Variants in GHR observed in about 807,000 individuals in gnomAD.
GHR encodes the protein GH receptor.
Under a neutral mutation model 67.1 loss-of-function variants are expected in GHR, and 35 were observed. The observed-to-expected ratio is 0.52, with a 90% CI of 0.40 to 0.69. The LOEUF is 0.69. GHR is among the 30% of genes least tolerant of loss of function. The probability of loss-of-function intolerance (pLI) is 0.00; values close to 1 mark genes in which losing one functional copy is unlikely to be tolerated. For synonymous variants in GHR, 272 were observed against 269.1 expected, an observed-to-expected ratio of 1.01 and a Z score of -0.10; for missense variants, 792 against 764.6, an observed-to-expected ratio of 1.04 and a Z score of -0.42.
chr5:42,604,636 T>G (rs965404245), intron 2 of GHR, among the ~76,000 whole-genome samples: 4 of 152,060 alleles, frequency 2.6e-5, no homozygotes, highest in African/African-American at 9.7e-5. Context: ...CACCCCAGCA[T>G]TATAATAAAA....
intron 2 of GHR, among the ~76,000 whole-genome samples, chr5:42,617,401 C>G (rs1753214139): frequency 6.6e-6 from 1 of 151,702 alleles, no homozygotes; most frequent in African/African-American, 2.4e-5. Context: ...CACACACACA[C>G]ACACACACAC....
chr5:42,645,240 G>A (rs751287824), intron 3 of GHR, among the ~76,000 whole-genome samples: 9 of 152,172 alleles, frequency 5.9e-5, no homozygotes, highest in Non-Finnish European at 1.2e-4. Context: ...ATCAATCAAC[G>A]TGGGCTGAAG....
intron 3 of GHR, among the ~76,000 whole-genome samples, chr5:42,641,567 C>T (rs975277901): frequency 3.9e-5 from 6 of 152,050 alleles, no homozygotes; most frequent in Admixed American, 2.6e-4. Context: ...TCTGTGGTGC[C>T]TAAGGGAGGG....
In GHR at chr5:42,446,852, A is replaced by G. The variant is rs148046738; in HGVS notation, c.-12+22897A>G. Among the ~76,000 whole-genome samples, 1,076 of 152,316 alleles carry G rather than the reference A, an allele frequency of 7.1e-3. 5 individuals carry two copies. The highest frequency in any genetic ancestry group is 0.02 in the Middle Eastern group (6 of 294). On this transcript the variant is annotated intron_variant, in intron 1 of 9. Coordinates refer to ENST00000230882, the MANE Select transcript of GHR (RefSeq NM_000163.5). Reference sequence around the variant, plus strand: ...AAGAGAATACTTAAAGTGCAGACAGACAAGTGAACACCGCACTTCTTTGTC... The same window carrying G: ...AAGAGAATACTTAAAGTGCAGACAGGCAAGTGAACACCGCACTTCTTTGTC...
At chr5:42,698,519 A>AT (rs1300748731) in intron 5 of GHR, among the ~76,000 whole-genome samples, 2 of 152,160 alleles carry the variant, frequency 1.3e-5, no homozygotes, top group African/African-American at 4.8e-5. Flanking sequence ...AATTTTCAAA[A>AT]TGTAGTCATG....
At chr5:42,672,921 T>C (rs759080950) in intron 3 of GHR, among the ~76,000 whole-genome samples, 3 of 152,062 alleles carry the variant, frequency 2.0e-5, no homozygotes, top group Non-Finnish European at 4.4e-5. Context: ...AACTGACAAG[T>C]TTTTCTGTGT....
chr5:42,719,925 G>C lies in GHR; in HGVS notation c.*501G>C, dbSNP rs1402443322. 1 of 184,636 alleles carries C rather than the reference G, an allele frequency of 5.4e-6. No individual in the cohort carries two copies. The highest frequency in any genetic ancestry group is 1.5e-4 in the East Asian group (1 of 6,618). 11.4% of individuals were successfully genotyped at this position (184,636 alleles called of 1,614,324 possible). A position where few individuals can be genotyped will look rare whatever the true frequency, so the allele number is the denominator to read the frequency against. On this transcript the variant is annotated 3_prime_UTR_variant, in exon 10 of 10. Coordinates refer to ENST00000230882, the MANE Select transcript of GHR (RefSeq NM_000163.5). Reference sequence around the variant, plus strand: ...ATAAGCAAGAAGGCAAAAATAGTTTGGATATGTAAAACATTTATTTTGACA... The same window carrying C: ...ATAAGCAAGAAGGCAAAAATAGTTTCGATATGTAAAACATTTATTTTGACA...
rs768401209 is a variant in GHR, at chr5:42,423,534, G to C, written c.-433G>C. 6.6e-6 allele frequency among the ~76,000 whole-genome samples: 1 copy of C among 152,164 alleles called. No individual in the cohort carries two copies. The highest frequency in any genetic ancestry group is 1.5e-5 in the Non-Finnish European group (1 of 68,034). The stretch of plus-strand genomic sequence containing the variant: ...GGCCCGGGCGGCACTCGGCCTCTCC[G>C]CAGCAGTTCTCGAACTGGCCTCCTT... On this transcript the variant is annotated 5_prime_UTR_variant, in exon 1 of 10. Coordinates refer to ENST00000230882, the MANE Select transcript of GHR (RefSeq NM_000163.5).
intron 1 of GHR, among the ~76,000 whole-genome samples, chr5:42,505,093 T>C (rs1374206809): frequency 7.2e-5 from 11 of 151,860 alleles, no homozygotes; most frequent in Admixed American, 7.2e-4. Context: ...TTCGGAGTTG[T>C]TAAACATGCA....
chr5:42,689,932 A>G (rs915299052), intron 4 of GHR, among the ~76,000 whole-genome samples: 69 of 152,226 alleles, frequency 4.5e-4, no homozygotes, highest in African/African-American at 1.6e-3. Flanking sequence ...AAAATAACAG[A>G]GGAAGGGTGA....
chr5:42,648,466 C>T (rs1335890394), intron 3 of GHR, among the ~76,000 whole-genome samples: 1 of 152,072 alleles, frequency 6.6e-6, no homozygotes, highest in Non-Finnish European at 1.5e-5. Context: ...TTATGTACAA[C>T]ACATGTATTG....
chr5:42,693,881 G>A (rs1265575108), intron 4 of GHR, among the ~76,000 whole-genome samples: 3 of 152,180 alleles, frequency 2.0e-5, no homozygotes, highest in Non-Finnish European at 4.4e-5. Context: ...TAATAGGCTA[G>A]TGAATAACAT....
intron 1 of GHR, among the ~76,000 whole-genome samples, chr5:42,543,627 CTTATT>C (rs1280079913): frequency 6.6e-6 from 1 of 152,128 alleles, no homozygotes; most frequent in Admixed American, 6.6e-5. Context: ...TAATCTGCCT[CTTATT>C]TTAAGCACTT....
chr5:42,648,118 A>G (rs1754836067), intron 3 of GHR, among the ~76,000 whole-genome samples: 1 of 152,212 alleles, frequency 6.6e-6, no homozygotes, highest in South Asian at 2.1e-4. Flanking sequence ...CTGCTCCACC[A>G]CTTAAAAGCC....
At chr5:42,678,998 G>A (rs1262235028) in intron 3 of GHR, among the ~76,000 whole-genome samples, 1 of 144,512 alleles carries the variant, frequency 6.9e-6, no homozygotes, top group Non-Finnish European at 1.5e-5. Context: ...TAATTAATAT[G>A]AATTAATAAC....
chr5:42,545,924 A>G (rs1748712952), intron 1 of GHR, among the ~76,000 whole-genome samples: 1 of 152,212 alleles, frequency 6.6e-6, no homozygotes, highest in Non-Finnish European at 1.5e-5. Context: ...TATCTGACAA[A>G]GATGTGCATT....
chr5:42,706,364 C>A (rs1245252787), intron 6 of GHR, among the ~76,000 whole-genome samples: 1 of 151,994 alleles, frequency 6.6e-6, no homozygotes, highest in East Asian at 1.9e-4. Context: ...TCAGTTGTTT[C>A]TTTTGCTGTG....
intron 3 of GHR, among the ~76,000 whole-genome samples, chr5:42,688,267 G>A (rs74400408): frequency 3.7e-4 from 57 of 152,276 alleles, no homozygotes; most frequent in African/African-American, 1.2e-3. Context: ...GCACCCTGCC[G>A]GGCAGACTCA....
Position 42,576,123 on chromosome 5 carries a change from TAAAATAAAA to T in GHR, c.70+10180_70+10188del, listed in dbSNP as rs1750712817. Reference sequence around the variant, plus strand: ...ATAAATAAAATAAAATAAAATAAAATAAAATAAAATAAAATAAAATAGTAAAGTAAAATA... The same window carrying T: ...ATAAATAAAATAAAATAAAATAAAATTAAAATAAAATAGTAAAGTAAAATA... On this transcript the variant is annotated intron_variant, in intron 2 of 9. Coordinates refer to ENST00000230882, the MANE Select transcript of GHR (RefSeq NM_000163.5). Among the ~76,000 whole-genome samples, 183 of 84,980 alleles carry T rather than the reference TAAAATAAAA, an allele frequency of 2.2e-3. 4 individuals are homozygous for T. Among genetic ancestry groups the T allele is most frequent in the African/African-American group, 9.2e-3 (180 of 19,536 alleles). 55.8% of individuals were successfully genotyped at this position (84,980 alleles called of 152,430 possible). A position where few individuals can be genotyped will look rare whatever the true frequency, so the allele number is the denominator to read the frequency against.
Sources: allele counts gnomAD v4.1 joint callset (sites outside exome capture counted in the v4.1 genomes callset), GRCh38; gene constraint gnomAD v4.1.1; transcripts MANE v1.5; gene names NCBI Gene and HGNC (gene_info 2026-07-23, HGNC 2026-07-21).